Variants in RBFOX1 observed in about 807,000 individuals in gnomAD.
The protein encoded by RBFOX1 is RNA binding protein fox-1 homolog 1.
Under a neutral mutation model 57.7 loss-of-function variants are expected in RBFOX1, and 8 were observed. The ratio of observed to expected loss-of-function variants is 0.14; its 90% CI spans 0.08 to 0.25. The LOEUF is 0.25. Ranked by LOEUF, RBFOX1 falls within the 10% of genes least tolerant of loss-of-function variation. The pLI, the probability that RBFOX1 is intolerant of heterozygous loss-of-function variation, is 1.00. For missense variants in RBFOX1, 611 were observed against 548.5 expected (o/e 1.11, Z -1.14); for synonymous variants, 326 against 222.4 (o/e 1.47, Z -4.15).
At chr16:7,063,238 G>C (rs1254277670) in intron 4 of RBFOX1, among the ~76,000 whole-genome samples, 9 of 152,098 alleles carry the variant, frequency 5.9e-5, no homozygotes, top group Admixed American at 5.9e-4. Flanking sequence ...CACAGGAAGA[G>C]AGGTCTGTGC....
intron 1 of RBFOX1, among the ~76,000 whole-genome samples, chr16:6,143,694 G>A (rs538479793): frequency 5.3e-5 from 8 of 152,146 alleles, no homozygotes; most frequent in East Asian, 1.9e-4. Context: ...TGGTAGCAGC[G>A]GTAGTGGTGG....
At chr16:7,461,321 C>A (rs1323132784) in intron 4 of RBFOX1, among the ~76,000 whole-genome samples, 5 of 152,158 alleles carry the variant, frequency 3.3e-5, no homozygotes, top group African/African-American at 1.2e-4. Flanking sequence ...ATATGTGCCA[C>A]CACACCCGGC....
intron 3 of RBFOX1, among the ~76,000 whole-genome samples, chr16:6,875,831 CTCATCTCTA>C (rs2061734690): frequency 6.6e-6 from 1 of 151,848 alleles, no homozygotes; most frequent in Non-Finnish European, 1.5e-5. Context: ...ATGGTGAAAC[CTCATCTCTA>C]CAAAAAAATT....
chr16:7,011,685 T>C (rs1057136679), intron 3 of RBFOX1, among the ~76,000 whole-genome samples: 2 of 152,132 alleles, frequency 1.3e-5, no homozygotes, highest in African/African-American at 4.8e-5. Flanking sequence ...GGCTAATTTT[T>C]TGTATTTTTA....
At chr16:6,444,565 A>G (rs1457325194) in intron 2 of RBFOX1, among the ~76,000 whole-genome samples, 2 of 152,088 alleles carry the variant, frequency 1.3e-5, no homozygotes, top group East Asian at 1.9e-4. Flanking sequence ...GACGTGACTT[A>G]TTCCTCTTTG....
intron 4 of RBFOX1, among the ~76,000 whole-genome samples, chr16:7,079,713 C>T (rs541210172): frequency 2.0e-5 from 3 of 152,002 alleles, no homozygotes; most frequent in African/African-American, 7.2e-5. Flanking sequence ...TTTGAGGGTG[C>T]TTGAGATGTT....
rs989717179 is a variant in RBFOX1 at position 5,908,328 on chromosome 16, ATATATG to A, written c.351+40995_351+41000del. On this transcript the variant is annotated intron_variant, in intron 4 of 19. Coordinates refer to the RBFOX1 transcript ENST00000641259. The stretch of plus-strand genomic sequence containing the variant: ...CACACATATATACACACACACATAT[ATATATG>A]TGTGTGTGTGTGTGTGTGTCTGTGT... Among the ~76,000 whole-genome samples, 5 of 140,938 alleles carry A rather than the reference ATATATG, an allele frequency of 3.5e-5. 1 individual carries two copies. Among genetic ancestry groups the A allele is most frequent in the African/African-American group, 1.3e-4 (5 of 37,060 alleles). 92.5% of individuals were successfully genotyped at this position (140,938 alleles called of 152,430 possible).
intron 4 of RBFOX1, among the ~76,000 whole-genome samples, chr16:5,870,864 CT>C (rs953663590): frequency 2.0e-5 from 3 of 152,032 alleles, no homozygotes; most frequent in Non-Finnish European, 2.9e-5. Context: ...AAATGACTTT[CT>C]TTCCCCCCCA....
chr16:6,933,840 C>T (rs948861267), intron 3 of RBFOX1, among the ~76,000 whole-genome samples: 1 of 152,142 alleles, frequency 6.6e-6, no homozygotes, highest in African/African-American at 2.4e-5. Flanking sequence ...CTCTCTTTAT[C>T]TTAAGAAATC....
In RBFOX1 at chr16:5,870,373, C is replaced by CAA. The variant is rs59398844; in HGVS notation, c.351+3056_351+3057dup. 3.3e-3 allele frequency among the ~76,000 whole-genome samples: 297 copies of CAA among 91,032 alleles called. 6 individuals carry two copies. The highest frequency in any genetic ancestry group is 8.5e-3 in the African/African-American group (186 of 21,756). The allele number at this position is 91,032 out of a possible 152,430, so 59.7% of individuals were successfully genotyped here. On this transcript the variant is annotated intron_variant, in intron 4 of 19. Transcript: ENST00000641259. ...ATCTTACAGGTTGTAATTTGTATGG[C>CAA]AAAAAAAAAAAAAAAAAAATGAAGG...
chr16:7,100,593 G>A (rs1330673112), intron 4 of RBFOX1, among the ~76,000 whole-genome samples: 3 of 138,496 alleles, frequency 2.2e-5, no homozygotes, highest in African/African-American at 8.2e-5. Context: ...TTTAGCATAT[G>A]GCTATACTGT....
At chr16:5,444,712 G>A (rs2068189105) in intron 1 of RBFOX1, among the ~76,000 whole-genome samples, 2 of 152,276 alleles carry the variant, frequency 1.3e-5, no homozygotes, top group Middle Eastern at 3.4e-3. Flanking sequence ...GGAGAAATGA[G>A]GAAGAGAACA....
chr16:6,834,215 A>G (rs2092922664), intron 3 of RBFOX1, among the ~76,000 whole-genome samples: 1 of 151,984 alleles, frequency 6.6e-6, no homozygotes, highest in Admixed American at 6.6e-5. Context: ...CTGGGATTAC[A>G]GGTGCCCGCT....
chr16:6,639,347 G>C (rs1459761662), intron 2 of RBFOX1, among the ~76,000 whole-genome samples: 2 of 152,096 alleles, frequency 1.3e-5, no homozygotes, highest in Non-Finnish European at 2.9e-5. Flanking sequence ...ATCTTTACAA[G>C]AGCGGTTTAG....
intron 4 of RBFOX1, among the ~76,000 whole-genome samples, chr16:7,190,767 G>A (rs547667620): frequency 4.2e-4 from 64 of 152,236 alleles, no homozygotes; most frequent in Admixed American, 1.9e-3. Flanking sequence ...TTTTTAATTC[G>A]GGTTTATGGC....
chr16:7,436,696 G>T (rs190951517), intron 4 of RBFOX1, among the ~76,000 whole-genome samples: 1 of 152,260 alleles, frequency 6.6e-6, no homozygotes, highest in Admixed American at 6.5e-5. Context: ...CCAGCTCCTG[G>T]TGTCTGACCT....
At chr16:5,554,229 C>T (rs544446607) in intron 2 of RBFOX1, among the ~76,000 whole-genome samples, 4 of 152,120 alleles carry the variant, frequency 2.6e-5, no homozygotes, top group South Asian at 2.1e-4. Context: ...CGTTGATCTC[C>T]GGAAGTGCTG....
intron 13 of RBFOX1, among the ~76,000 whole-genome samples, chr16:7,666,820 T>C (rs2069469361): frequency 1.3e-5 from 2 of 152,204 alleles, no homozygotes; most frequent in African/African-American, 4.8e-5. Context: ...CTTTGTGCTT[T>C]TCTAGTTCCT....
intron 2 of RBFOX1, among the ~76,000 whole-genome samples, chr16:5,504,407 C>T (rs2043306562): frequency 6.6e-6 from 1 of 152,214 alleles, no homozygotes; most frequent in African/African-American, 2.4e-5. Flanking sequence ...GGGCTTTTGT[C>T]TTCAGGCCAT....
Sources: allele counts gnomAD v4.1 joint callset (sites outside exome capture counted in the v4.1 genomes callset), GRCh38; gene constraint gnomAD v4.1.1; transcripts MANE v1.5; gene names NCBI Gene and HGNC (gene_info 2026-07-23, HGNC 2026-07-21).